Variants in DNHD1 observed in about 807,000 individuals in gnomAD.
DNHD1 encodes dynein heavy chain domain-containing protein 1.
DNHD1 carries 383 observed loss-of-function variants against 458.1 expected under a neutral mutation model. The ratio of observed to expected loss-of-function variants is 0.84; its 90% CI spans 0.77 to 0.91. The LOEUF (loss-of-function observed/expected upper bound fraction) is 0.91, where lower values mean the gene tolerates loss of function less well. Ranked by LOEUF, DNHD1 falls within the 40% of genes least tolerant of loss-of-function variation. The pLI is 0.00. For synonymous variants in DNHD1, 2,203 were observed against 2,376.9 expected (o/e 0.93, Z 2.13); for missense variants, 5,336 against 5,866.1 (o/e 0.91, Z 2.95).
rs1589884730 is a variant in DNHD1 at position 6,544,993 on chromosome 11, G to T, written c.4054G>T (p.Val1352Leu). The stretch of plus-strand genomic sequence containing the variant: ...GAGTCTGGAGAGCGTGCTCTATGGG[G>T]TGTGTGCTCACTTCCCCCGCCTCTT... ...IMSLESVLYG[V>L]CAHFPRLFFL... The change falls in exon 21 of 43, where the codon GTG (valine) becomes TTG (leucine). Residue 1352 changes from valine (V) to leucine (L), a missense_variant. Physicochemically the swap from Val to Leu is conservative, Grantham distance 32. Transcript: ENST00000254579. 6.4e-7 allele frequency: 1 copy of T among 1,551,764 alleles called. No individual in the cohort carries two copies. Among genetic ancestry groups the T allele is most frequent in the Non-Finnish European group, 8.7e-7 (1 of 1,147,002 alleles).
In DNHD1 at chr11:6,563,051, C is replaced by T. The variant is rs748738624; in HGVS notation, c.9589C>T (p.Arg3197Trp). The change falls in exon 29 of 43, where the codon CGG (arginine) becomes TGG (tryptophan). Residue 3197 changes from arginine to tryptophan, a missense_variant. Transcript: ENST00000254579. ...ATACAAGCAGCAGCTGGAAGAGTGT[C>T]GGCATCAAGAGAACCTCATTGAGAA... ...LLYKQQLEEC[R>W]HQENLIENLA... The T allele has an allele frequency of 1.1e-5, 17 of 1,551,590 alleles. No homozygotes were observed. The highest frequency in any genetic ancestry group is 8.3e-5 in the South Asian group (7 of 84,048).
intron 7 of DNHD1, among the ~76,000 whole-genome samples, chr11:6,517,134 C>T (rs1453136183): frequency 1.3e-5 from 2 of 152,214 alleles, no homozygotes; most frequent in Non-Finnish European, 2.9e-5. Flanking sequence ...AGCCAGCTCT[C>T]TGGGGCCTTT....
At chr11:6,528,437 A>G (rs4623884) in intron 10 of DNHD1, 85 bp from the exon 11 acceptor site, 115,029 of 973,988 alleles carry the variant, frequency 0.12, 2,167 homozygotes, top group Middle Eastern at 0.14. Flanking sequence ...GTGTGTGTGT[A>G]CACACACTGA....
chr11:6,571,269 T>G lies in DNHD1; in HGVS notation c.13757T>G (p.Phe4586Cys). 1 of 1,612,594 alleles carries G rather than the reference T, an allele frequency of 6.2e-7. No homozygotes were observed. The highest frequency in any genetic ancestry group is 8.5e-7 in the Non-Finnish European group (1 of 1,179,674). Reference protein sequence around the residue: ...VPERVFHLSAFRHPRRLLLAL... With the variant: ...VPERVFHLSACRHPRRLLLAL... ...GAGCGCGTCTTCCACCTGTCAGCCTTTCGCCACCCGCGCCGCCTGCTGCTG... is the reference window on the plus strand; with the variant it reads ...GAGCGCGTCTTCCACCTGTCAGCCTGTCGCCACCCGCGCCGCCTGCTGCTG... Residue 4586 changes from phenylalanine to cysteine, a missense_variant, in exon 42 of 43, where the codon TTT (phenylalanine) becomes TGT (cysteine). This residue lies in a region of DNHD1 where 698 missense variants were observed against 664.9 expected (regional missense o/e 1.05). Coordinates refer to ENST00000254579, the MANE Select transcript of DNHD1 (RefSeq NM_144666.3). This position sits in a 1 kb window ranked among gnomAD's most constrained non-coding sequence, Gnocchi z 5.0.
rs1652992076 is a variant in DNHD1 at position 6,498,084 on chromosome 11, G to C, written c.-132G>C. The stretch of plus-strand genomic sequence containing the variant: ...TGACCATCCCCTGCCCAGAGCCTGA[G>C]GTCCCTTCTCTGGCCCCTCTGCTGG... On this transcript the variant is annotated 5_prime_UTR_variant, in exon 3 of 43. Transcript: ENST00000254579. 11 of 1,287,614 alleles carry C rather than the reference G, an allele frequency of 8.5e-6. No individual in the cohort carries two copies. Among genetic ancestry groups the C allele is most frequent in the African/African-American group, 1.5e-5 (1 of 67,186 alleles). 79.8% of individuals were successfully genotyped at this position (1,287,614 alleles called of 1,614,324 possible).
intron 10 of DNHD1, among the ~76,000 whole-genome samples, chr11:6,524,579 T>C (rs1852671143): frequency 6.6e-6 from 1 of 152,238 alleles, no homozygotes; most frequent in South Asian, 2.1e-4. Context: ...TATGATTGAT[T>C]CAGCTTCTCC....
chr11:6,520,244 C>T lies in DNHD1; in HGVS notation c.1792C>T (p.Gln598Ter). 1 of 1,554,748 alleles carries T rather than the reference C, an allele frequency of 6.4e-7. No homozygotes were observed. The highest frequency in any genetic ancestry group is 8.7e-7 in the Non-Finnish European group (1 of 1,148,278). Residue 598 changes from glutamine to a stop codon, truncating the protein, a stop_gained, in exon 10 of 43, where the codon CAG (glutamine) becomes TAG (stop). Coordinates refer to ENST00000254579, the MANE Select transcript of DNHD1 (RefSeq NM_144666.3). LOFTEE classifies it high-confidence loss of function. ...TCCATATCCTGGCATGAAGGTAGTGCAGTCTGCAGACCTGAAGACCTCCTC... is the reference window on the plus strand; with the variant it reads ...TCCATATCCTGGCATGAAGGTAGTGTAGTCTGCAGACCTGAAGACCTCCTC... The part of the protein sequence containing the change: ...SVKTSALQVV[Q>*]SADLKTSSDS...
chr11:6,506,967 A>C (rs890008009), intron 4 of DNHD1, among the ~76,000 whole-genome samples: 1 of 152,158 alleles, frequency 6.6e-6, no homozygotes, highest in Non-Finnish European at 1.5e-5. Context: ...GGGGGTAGAT[A>C]TTGAGTTTAG....
In DNHD1 at chr11:6,571,684, A is replaced by T. The variant is rs1036165889; in HGVS notation, c.13960A>T (p.Ile4654Phe). 1 of 1,610,086 alleles carries T rather than the reference A, an allele frequency of 6.2e-7. No individual in the cohort carries two copies. The highest frequency in any genetic ancestry group is 8.5e-7 in the Non-Finnish European group (1 of 1,178,164). The change falls in exon 43 of 43, where the codon ATC becomes TTC. Residue 4654 changes from isoleucine to phenylalanine, a missense_variant. Physicochemically the swap from Ile to Phe is conservative, Grantham distance 21. Transcript: ENST00000254579. The surrounding 1 kb of genome is among the most constrained non-coding windows in gnomAD (Gnocchi z 5.0). ...GGTTCCAGAGAGAGGGCTGCTGCTGATCGGGCTACAGGTCCTACATGCGGA... is the reference window on the plus strand; with the variant it reads ...GGTTCCAGAGAGAGGGCTGCTGCTGTTCGGGCTACAGGTCCTACATGCGGA... ...PTVPERGLLL[I>F]GLQVLHAEWD... is the part of the protein sequence containing the mutation.
rs774207432 is a variant in DNHD1, at chr11:6,566,630, G to A, written c.11250G>A (p.Leu3750=). The change falls in exon 35 of 43, where the codon CTG becomes CTA. Residue 3750 remains leucine, a synonymous_variant. Coordinates refer to ENST00000254579, the MANE Select transcript of DNHD1 (RefSeq NM_144666.3). Reference sequence around the variant, plus strand: ...TAAAGGGGCTGAATGTGTTGGATCTGGGCCTGAACATGGAAATACTGGAAG... The same window carrying A: ...TAAAGGGGCTGAATGTGTTGGATCTAGGCCTGAACATGGAAATACTGGAAG... ...ELLKGLNVLD[L]GLNMEILEEQ... 1 of 1,613,842 alleles carries A rather than the reference G, an allele frequency of 6.2e-7. No homozygotes were observed. The highest frequency in any genetic ancestry group is 1.1e-5 in the South Asian group (1 of 91,020).
chr11:6,533,654 G>A, intron 13 of DNHD1, 27 bp from the exon 14 acceptor site: 1 of 1,524,610 alleles, frequency 6.6e-7, no homozygotes, highest in Non-Finnish European at 8.8e-7. Context: ...TTGTGGGGCT[G>A]CCGGTCTCAT....
chr11:6,525,447 C>T (rs1852691343), intron 10 of DNHD1, among the ~76,000 whole-genome samples: 1 of 152,292 alleles, frequency 6.6e-6, no homozygotes, highest in Non-Finnish European at 1.5e-5. Flanking sequence ...AGGCTCTGTC[C>T]ACCTGGCAAG....
chr11:6,566,641 T>C lies in DNHD1; in HGVS notation c.11261T>C (p.Met3754Thr). The C allele has an allele frequency of 3.1e-6, 5 of 1,613,754 alleles. No homozygotes were observed. The highest frequency in any genetic ancestry group is 4.2e-6 in the Non-Finnish European group (5 of 1,179,836). Residue 3754 changes from methionine to threonine, a missense_variant, in exon 35 of 43, where the codon ATG becomes ACG. Physicochemically the swap from Met to Thr is moderately conservative, Grantham distance 81 (BLOSUM62 -1). Around this residue, in one of 4 missense-constraint regions of DNHD1, gnomAD observed 695 missense variants for 804.2 expected, o/e 0.86. Coordinates refer to ENST00000254579, the MANE Select transcript of DNHD1 (RefSeq NM_144666.3). ...GLNVLDLGLN[M>T]EILEEQMLHE... ...AATGTGTTGGATCTGGGCCTGAACA[T>C]GGAAATACTGGAAGAACAGATGCTG...
chr11:6,567,616 G>T lies in DNHD1; in HGVS notation c.12107G>T (p.Ser4036Ile). The stretch of plus-strand genomic sequence containing the variant: ...CCTGGGCCAGGGCCTGAGCCACTCA[G>T]CCTCCTCCAGAAGCTGATCCTGTGG... ...PAPGPGPEPL[S>I]LLQKLILWRV... Residue 4036 changes from serine (S) to isoleucine (I), a missense_variant, in exon 36 of 43, where the codon AGC becomes ATC. Physicochemically the swap from Ser to Ile is moderately radical, Grantham distance 142 (BLOSUM62 -2). Transcript: ENST00000254579. 6.2e-7 allele frequency: 1 copy of T among 1,613,798 alleles called. No individual in the cohort carries two copies. The highest frequency in any genetic ancestry group is 8.5e-7 in the Non-Finnish European group (1 of 1,179,836).
Position 6,551,785 on chromosome 11 carries a change from G to A in DNHD1, c.7387+2852G>A, listed in dbSNP as rs187048936. 5.2e-3 allele frequency among the ~76,000 whole-genome samples: 788 copies of A among 152,036 alleles called. 8 individuals carry two copies. The highest frequency in any genetic ancestry group is 6.3e-3 in the Non-Finnish European group (427 of 67,950). ...GTGAAACCCCGTCTCTACTAAAAAT[G>A]CAAAAATTAGCTGGGCATGGTGGCA... On this transcript the variant is annotated intron_variant, in intron 24 of 42. Coordinates refer to ENST00000254579, the MANE Select transcript of DNHD1 (RefSeq NM_144666.3).
At chr11:6,514,774 C>A (rs1852423722) in intron 7 of DNHD1, among the ~76,000 whole-genome samples, 1 of 152,064 alleles carries the variant, frequency 6.6e-6, no homozygotes. Flanking sequence ...GCATCAGCCC[C>A]CTTACCCCTG....
intron 4 of DNHD1, among the ~76,000 whole-genome samples, chr11:6,507,086 A>G (rs1279046779): frequency 2.6e-5 from 4 of 151,956 alleles, no homozygotes; most frequent in African/African-American, 9.7e-5. Flanking sequence ...TCCCCCATCT[A>G]CTCTCTAGTA....
At chr11:6,570,425 G>A (rs755792538) in intron 41 of DNHD1, 29 bp downstream of exon 41, 3 of 1,589,788 alleles carry the variant, frequency 1.9e-6, no homozygotes, top group Admixed American at 1.7e-5. Context: ...TCTGTTTTGG[G>A]GTAGGGAATA....
At chr11:6,524,107 G>A (rs1049445073) in intron 10 of DNHD1, among the ~76,000 whole-genome samples, 1 of 152,124 alleles carries the variant, frequency 6.6e-6, no homozygotes, top group African/African-American at 2.4e-5. Context: ...ATTAAAAATA[G>A]ACTAGCTTTT....
Sources: allele counts gnomAD v4.1 joint callset (sites outside exome capture counted in the v4.1 genomes callset), GRCh38; gene constraint gnomAD v4.1.1; regional missense constraint gnomAD v4.1.1; non-coding constraint Gnocchi (gnomAD v3.1); transcripts MANE v1.5; gene names NCBI Gene and HGNC (gene_info 2026-07-23, HGNC 2026-07-21).